ANK3: variants seen among roughly 807,000 people sequenced by gnomAD.
ANK3 encodes the protein ankyrin-3.
In ANK3, 57 loss-of-function variants were observed where a neutral mutation model predicts 370.9. That is an observed-to-expected ratio of 0.15 (90% CI 0.12 to 0.19). The LOEUF is 0.19. ANK3 is among the 10% of genes least tolerant of loss of function. ANK3 has a pLI of 1.00. For missense variants in ANK3, 4,439 were observed against 5,302.1 expected (o/e 0.84, Z 5.06); for synonymous variants, 1,929 against 1,946.3 (o/e 0.99, Z 0.23).
rs773770101 is a variant in ANK3 at position 60,075,532 on chromosome 10, A to G, written c.5349T>C (p.Ser1783=). ...GAGACTGAAAAGCTGATGGTGCTGC[A>G]GAAACATATGACCTGAGTGGGGAAA... ...MPFSPLRSYV[S]AAPSAFQSLR... is the part of the protein sequence containing the mutation. Residue 1783 remains serine (S), a synonymous_variant, in exon 37 of 44, where the codon TCT becomes TCC. Coordinates refer to ENST00000280772, the MANE Select transcript of ANK3 (RefSeq NM_020987.5). The G allele has an allele frequency of 1.9e-6, 3 of 1,613,950 alleles. No homozygotes were observed. The highest frequency in any genetic ancestry group is 2.5e-6 in the Non-Finnish European group (3 of 1,180,006).
chr10:60,121,378 CAA>C (rs201473806), intron 25 of ANK3, among the ~76,000 whole-genome samples: 36,926 of 135,382 alleles, frequency 0.27, 5,519 homozygotes, highest in Non-Finnish European at 0.35. Context: ...TAAAATGCAC[CAA>C]AAAAAAAAAA....
intron 11 of ANK3, among the ~76,000 whole-genome samples, chr10:60,203,847 G>T (rs2096721086): frequency 6.6e-6 from 1 of 152,124 alleles, no homozygotes; most frequent in Admixed American, 6.5e-5. Flanking sequence ...GATTTAGAGT[G>T]AATAAGAAAG....
rs75679967 is a variant in ANK3 at position 60,542,717 on chromosome 10, G to T, written c.96+72469C>A. Among the ~76,000 whole-genome samples the T allele has an allele frequency of 4.6e-5, 7 of 151,930 alleles. No homozygotes were observed. The South Asian group carries it at 1.0e-3, about 22-fold the overall frequency. ...GATAATCAGAGAACAAAACCAGAAC[G>T]TGAGGTTTATCTCTCCTGCCTTGAA... On this transcript the variant is annotated intron_variant, in intron 2 of 43. Coordinates refer to the ANK3 transcript ENST00000373827.
chr10:60,527,521 A>C (rs1050996860), intron 2 of ANK3, among the ~76,000 whole-genome samples: 2 of 152,146 alleles, frequency 1.3e-5, no homozygotes, highest in Non-Finnish European at 2.9e-5. Context: ...TAAGGCTAAG[A>C]ACCTTAAGAA....
intron 2 of ANK3, among the ~76,000 whole-genome samples, chr10:60,516,082 TA>T (rs548287775): frequency 1.3e-3 from 205 of 152,112 alleles, no homozygotes; most frequent in African/African-American, 4.6e-3. Context: ...GATCCCTATT[TA>T]TAGGGGATAG....
intron 26 of ANK3, among the ~76,000 whole-genome samples, chr10:60,112,925 C>T (rs1394267531): frequency 6.6e-6 from 1 of 152,084 alleles, no homozygotes; most frequent in Admixed American, 6.6e-5. Context: ...GGCCTAAATG[C>T]CAATTTCAAA....
At chr10:60,709,144 A>T (rs2079663032) in intron 1 of ANK3, among the ~76,000 whole-genome samples, 1 of 152,224 alleles carries the variant, frequency 6.6e-6, no homozygotes, top group Non-Finnish European at 1.5e-5. Flanking sequence ...TTGAAGAGAC[A>T]TAGCAAGCAT....
At chr10:60,730,532 A>G (rs1367017460) in intron 1 of ANK3, among the ~76,000 whole-genome samples, 2 of 152,210 alleles carry the variant, frequency 1.3e-5, no homozygotes, top group Non-Finnish European at 2.9e-5. Context: ...GAGAAAGTAG[A>G]CTATATTAAA....
chr10:60,373,531 T>C (rs561781488), intron 1 of ANK3, among the ~76,000 whole-genome samples: 1 of 152,302 alleles, frequency 6.6e-6, no homozygotes, highest in South Asian at 2.1e-4. Context: ...GATGTCACTG[T>C]ACTTAAACAG....
At chr10:60,171,544 A>G (rs2095795156) in intron 21 of ANK3, among the ~76,000 whole-genome samples, 1 of 152,226 alleles carries the variant, frequency 6.6e-6, no homozygotes, top group South Asian at 2.1e-4. Flanking sequence ...TTAAGAGTCA[A>G]CCTCAGGTCT....
At chr10:60,210,521 A>G (rs1000508672) in intron 9 of ANK3, among the ~76,000 whole-genome samples, 5 of 152,178 alleles carry the variant, frequency 3.3e-5, no homozygotes, top group Admixed American at 1.3e-4. Flanking sequence ...ACCGGAGGAG[A>G]TGAGGAAGAG....
At chr10:60,067,451 T>C (rs1365224605) in intron 38 of ANK3, among the ~76,000 whole-genome samples, 2 of 152,166 alleles carry the variant, frequency 1.3e-5, no homozygotes, top group Non-Finnish European at 2.9e-5. Context: ...GTTTTATGTG[T>C]ATATCGTACA....
chr10:60,713,381 CAAGAG>C (rs2079737486), intron 1 of ANK3, among the ~76,000 whole-genome samples: 1 of 151,852 alleles, frequency 6.6e-6, no homozygotes. Context: ...GAAGAAATCT[CAAGAG>C]AAATTAAAAA....
chr10:60,292,972 G>A (rs1004777291), intron 1 of ANK3, among the ~76,000 whole-genome samples: 4 of 152,130 alleles, frequency 2.6e-5, no homozygotes, highest in African/African-American at 4.8e-5. Context: ...GCCTCCCAAA[G>A]TGCTGGGATT....
intron 2 of ANK3, chr10:60,573,038 T>C: frequency 1.0e-6 from 1 of 986,070 alleles, no homozygotes; most frequent in Non-Finnish European, 1.2e-6. Context: ...TTGCTCTCCG[T>C]GCTGCTAGCC....
intron 2 of ANK3, among the ~76,000 whole-genome samples, chr10:60,412,051 G>A (rs111863961): frequency 0.014 from 2,185 of 152,178 alleles, 34 homozygotes; most frequent in African/African-American, 0.049. Flanking sequence ...AAAGTGGCTC[G>A]TAGAGGGTAT....
At chr10:60,041,758 G>GA (rs2076121467) in intron 43 of ANK3, among the ~76,000 whole-genome samples, 1 of 152,178 alleles carries the variant, frequency 6.6e-6, no homozygotes, top group Non-Finnish European at 1.5e-5. Context: ...GGAGAATTGA[G>GA]AACTTACCTG....
chr10:60,446,585 T>A (rs988233929), intron 2 of ANK3, among the ~76,000 whole-genome samples: 6 of 152,208 alleles, frequency 3.9e-5, no homozygotes, highest in African/African-American at 1.4e-4. Flanking sequence ...TTACTCCTTT[T>A]TATCTCTCTC....
At chr10:60,053,192 A>T (rs974693487) in intron 42 of ANK3, among the ~76,000 whole-genome samples, 1 of 152,248 alleles carries the variant, frequency 6.6e-6, no homozygotes, top group African/African-American at 2.4e-5. Context: ...AAGGCTCAAG[A>T]AGTCAGAAAG....
Sources: gnomAD v4.1 joint callset for allele counts (sites outside exome capture counted in the v4.1 genomes callset) on GRCh38, gnomAD v4.1.1 for gene constraint, MANE v1.5 for transcripts, NCBI Gene and HGNC (gene_info 2026-07-23, HGNC 2026-07-21) for gene names.